The following GLRA2 variants were observed in gnomAD, a reference collection of about 807,000 sequenced individuals.
GLRA2 encodes glycine receptor subunit alpha-2.
In GLRA2, 11 loss-of-function variants were observed where a neutral mutation model predicts 31.6. That is an observed-to-expected ratio of 0.35 (90% CI 0.22 to 0.58). The LOEUF (loss-of-function observed/expected upper bound fraction) is 0.58. Among genes scored for constraint, GLRA2 ranks in the 20% least tolerant of loss-of-function variants. The pLI is 0.84. For missense variants in GLRA2, 212 were observed against 351.8 expected (o/e 0.60, Z 3.18); for synonymous variants, 132 against 134.0 (o/e 0.99, Z 0.10).
At chrX:14,482,692 C>T in the GLRA2 span, among the ~76,000 whole-genome samples, 3 of 110,268 alleles carry the variant, frequency 2.7e-5, no homozygotes, top group African/African-American at 9.9e-5. Context: ...ATTGAAGGTC[C>T]TAAAATTGAG....
At chrX:14,690,343 T>C in intron 7 of GLRA2, among the ~76,000 whole-genome samples, 1 of 112,071 alleles carries the variant, frequency 8.9e-6, no homozygotes, top group Non-Finnish European at 1.9e-5. Flanking sequence ...CATGTTTCAA[T>C]ATATGTACAC....
chrX:14,658,218 A>C (rs184008399), intron 7 of GLRA2, among the ~76,000 whole-genome samples: 157 of 111,654 alleles, frequency 1.4e-3, no homozygotes, highest in Non-Finnish European at 2.5e-3. Context: ...ACTATGACAA[A>C]GACTATATTA....
intron 7 of GLRA2, among the ~76,000 whole-genome samples, chrX:14,684,443 C>A (rs954018371): frequency 5.4e-5 from 6 of 111,698 alleles, no homozygotes; most frequent in Non-Finnish European, 1.1e-4. Flanking sequence ...TTCTTCCTAT[C>A]CATGAGCATG....
chrX:14,454,259 T>C, the GLRA2 span, among the ~76,000 whole-genome samples: 1 of 108,377 alleles, frequency 9.2e-6, no homozygotes, highest in Non-Finnish European at 1.9e-5. Context: ...AAGGGAAATC[T>C]GAACAAATTC....
Position 14,730,811 on chromosome X carries a change from A to T in GLRA2, c.*326A>T. 5.1e-6 allele frequency: 1 copy of T among 195,499 alleles called. No individual in the cohort carries two copies. Among genetic ancestry groups the T allele is most frequent in the East Asian group, 1.2e-4 (1 of 8,587 alleles). 16.1% of individuals were successfully genotyped at this position (195,499 alleles called of 1,213,427 possible). On this transcript the variant is annotated 3_prime_UTR_variant, in exon 9 of 9. Coordinates refer to ENST00000218075, the MANE Select transcript of GLRA2 (RefSeq NM_002063.4). Reference sequence around the variant, plus strand: ...TCATTCAGACATGATATGCGGGGTCAAGTTCTTAAGGGCTGTTTGCCTTTT... The same window carrying T: ...TCATTCAGACATGATATGCGGGGTCTAGTTCTTAAGGGCTGTTTGCCTTTT...
At chrX:14,504,172 G>C in the GLRA2 span, among the ~76,000 whole-genome samples, 1 of 112,109 alleles carries the variant, frequency 8.9e-6, no homozygotes, top group Non-Finnish European at 1.9e-5. Flanking sequence ...AGAAAATAAA[G>C]TGATGTTTTT....
intron 4 of GLRA2, among the ~76,000 whole-genome samples, chrX:14,601,600 A>C (rs1356949235): frequency 8.9e-6 from 1 of 111,984 alleles, no homozygotes; most frequent in Non-Finnish European, 1.9e-5. Context: ...CTTATTTCCA[A>C]GATTTAAAAC....
chrX:14,645,777 G>C (rs1029689001), intron 7 of GLRA2, among the ~76,000 whole-genome samples: 2 of 111,772 alleles, frequency 1.8e-5, no homozygotes, highest in Non-Finnish European at 3.8e-5. Flanking sequence ...AATAATTAAA[G>C]GGCTTTCATC....
At chrX:14,460,595 A>G in the GLRA2 span, among the ~76,000 whole-genome samples, 1 of 111,680 alleles carries the variant, frequency 9.0e-6, no homozygotes, top group East Asian at 2.8e-4. Context: ...GGGAGGGTGT[A>G]TGTGCCCAGG....
At chrX:14,719,774 AAAGAC>A (rs1356162743) in intron 8 of GLRA2, among the ~76,000 whole-genome samples, 8 of 112,191 alleles carry the variant, frequency 7.1e-5, no homozygotes, top group African/African-American at 1.9e-4. Context: ...ACTATTTACA[AAAGAC>A]AAGACATAAA....
intron 4 of GLRA2, among the ~76,000 whole-genome samples, chrX:14,601,942 C>A (rs182758864): frequency 3.2e-4 from 36 of 111,439 alleles, no homozygotes; most frequent in African/African-American, 8.4e-4. Context: ...TTGAAGCAGT[C>A]AACTTTAGAA....
chrX:14,682,949 A>G (rs932690001), intron 7 of GLRA2, among the ~76,000 whole-genome samples: 35 of 111,378 alleles, frequency 3.1e-4, no homozygotes, highest in African/African-American at 1.1e-3. Context: ...CCAGTCTATC[A>G]TTGATGGACA....
chrX:14,499,141 G>T, the GLRA2 span, among the ~76,000 whole-genome samples: 3 of 111,827 alleles, frequency 2.7e-5, no homozygotes, highest in Non-Finnish European at 5.7e-5. Context: ...CAGTGGAATT[G>T]CTGAATTATA....
intron 3 of GLRA2, among the ~76,000 whole-genome samples, chrX:14,576,065 A>T (rs1486896595): frequency 3.0e-5 from 2 of 65,906 alleles, no homozygotes; most frequent in Non-Finnish European, 7.8e-5. Flanking sequence ...ATTGAGAAGT[A>T]AAAAAAAAAA....
chrX:14,544,659 A>T (rs993026802), intron 2 of GLRA2, among the ~76,000 whole-genome samples: 1 of 111,770 alleles, frequency 8.9e-6, no homozygotes, highest in African/African-American at 3.2e-5. Flanking sequence ...AAAAATGATA[A>T]TGTTTCATAT....
At chrX:14,466,746 G>A in the GLRA2 span, among the ~76,000 whole-genome samples, 2 of 111,816 alleles carry the variant, frequency 1.8e-5, no homozygotes, top group African/African-American at 6.5e-5. Flanking sequence ...AGTATCCTGA[G>A]GAAAATCACA....
intron 8 of GLRA2, among the ~76,000 whole-genome samples, chrX:14,706,292 C>T (rs1392244940): frequency 2.7e-5 from 3 of 111,886 alleles, no homozygotes; most frequent in African/African-American, 9.8e-5. Flanking sequence ...TCAGGAGATT[C>T]ACTAGCACAT....
intron 7 of GLRA2, among the ~76,000 whole-genome samples, chrX:14,613,718 C>G (rs1222735329): frequency 9.0e-6 from 1 of 110,984 alleles, no homozygotes; most frequent in Admixed American, 9.6e-5. Context: ...TACATATGCA[C>G]AAATACACGT....
intron 2 of GLRA2, among the ~76,000 whole-genome samples, chrX:14,562,348 C>T (rs987479659): frequency 1.8e-5 from 2 of 112,281 alleles, no homozygotes; most frequent in Admixed American, 9.4e-5. Flanking sequence ...CATTCCCTCC[C>T]TAGTATGGCA....
Sources: allele counts gnomAD v4.1 joint callset (sites outside exome capture counted in the v4.1 genomes callset), GRCh38; gene constraint gnomAD v4.1.1; transcripts MANE v1.5; gene names NCBI Gene and HGNC (gene_info 2026-07-23, HGNC 2026-07-21).